KLHL32: variants seen among roughly 807,000 people sequenced by gnomAD.
The protein encoded by KLHL32 is kelch like family member 32, also known as kelch-like protein 32.
KLHL32 carries 35 observed loss-of-function variants against 64.8 expected under a neutral mutation model. The ratio of observed to expected loss-of-function variants is 0.54; its 90% CI spans 0.41 to 0.72. The LOEUF is 0.72. Ranked by LOEUF, KLHL32 falls within the 30% of genes least tolerant of loss-of-function variation. KLHL32 has a pLI of 0.00. For synonymous variants in KLHL32, 259 were observed against 281.0 expected, an observed-to-expected ratio of 0.92 and a Z score of 0.78; for missense variants, 589 against 768.5, an observed-to-expected ratio of 0.77 and a Z score of 2.76.
intron 3 of KLHL32, among the ~76,000 whole-genome samples, chr6:97,037,834 A>G (rs937634710): frequency 6.6e-6 from 1 of 152,324 alleles, no homozygotes; most frequent in Middle Eastern, 3.4e-3. Flanking sequence ...ACATAGATCA[A>G]TGGAATAGAA....
chr6:96,978,231 T>C (rs1420187772), intron 3 of KLHL32, among the ~76,000 whole-genome samples: 1 of 152,178 alleles, frequency 6.6e-6, no homozygotes, highest in East Asian at 1.9e-4. Context: ...GTACAGATTA[T>C]TTCATCACCC....
intron 6 of KLHL32, among the ~76,000 whole-genome samples, chr6:97,098,909 T>A (rs1795335892): frequency 6.6e-6 from 1 of 152,330 alleles, no homozygotes; most frequent in African/African-American, 2.4e-5. Context: ...GTCAAGTCAA[T>A]CAATAGTTTT....
At chr6:96,925,486 G>C (rs1203489514) in intron 1 of KLHL32, among the ~76,000 whole-genome samples, 1 of 152,206 alleles carries the variant, frequency 6.6e-6, no homozygotes, top group Admixed American at 6.5e-5. Context: ...GGATTCGTCA[G>C]ATGAATTTTT....
rs187655438 is a variant in KLHL32, at chr6:96,987,169, T to C, written c.204+10992T>C. 2.5e-4 allele frequency among the ~76,000 whole-genome samples: 38 copies of C among 152,350 alleles called. 1 individual carries two copies. In the East Asian group the frequency reaches 7.3e-3, roughly 29 times the overall value. On this transcript the variant is annotated intron_variant, in intron 3 of 10. Transcript: ENST00000369261. The stretch of plus-strand genomic sequence containing the variant: ...TCTTTTCAAAAAACCAGCTCCTGGA[T>C]TCATTGATTTTTTGAAGGGTTTTTT...
chr6:96,971,992 C>T (rs1388250468), intron 2 of KLHL32, among the ~76,000 whole-genome samples: 1 of 151,988 alleles, frequency 6.6e-6, no homozygotes, highest in Non-Finnish European at 1.5e-5. Context: ...AGCTGGGATA[C>T]AGGCATGCGC....
the KLHL32 span, among the ~76,000 whole-genome samples, chr6:96,911,717 A>AT: frequency 6.7e-6 from 1 of 148,232 alleles, no homozygotes; most frequent in Non-Finnish European, 1.5e-5. Flanking sequence ...TCCAATAAAC[A>AT]TTTTTTTTGG....
At chr6:97,077,734 G>A (rs1342617091) in intron 5 of KLHL32, among the ~76,000 whole-genome samples, 2 of 152,100 alleles carry the variant, frequency 1.3e-5, no homozygotes, top group Non-Finnish European at 2.9e-5. Context: ...CTATAACCAA[G>A]CTATTATTTC....
Position 97,114,389 on chromosome 6 carries a change from G to C in KLHL32, c.1234G>C (p.Val412Leu). The C allele has an allele frequency of 6.2e-7, 1 of 1,614,204 alleles. No homozygotes were observed. The highest frequency in any genetic ancestry group is 8.5e-7 in the Non-Finnish European group (1 of 1,180,048). ...TGGGGGCAGAAATGAACTGCGCCAG[G>C]TTCTGCCTACAGTTGAGCGATATTG... ...AVGGRNELRQVLPTVERYCPK... is the reference protein window; with the variant it reads ...AVGGRNELRQLLPTVERYCPK... The change falls in exon 7 of 11, where the codon GTT becomes CTT. Residue 412 changes from valine (V) to leucine (L), a missense_variant. Coordinates refer to ENST00000369261, the MANE Select transcript of KLHL32 (RefSeq NM_052904.4).
chr6:97,051,387 A>G lies in KLHL32; in HGVS notation c.312+9788A>G, dbSNP rs562948570. 2.9e-4 allele frequency among the ~76,000 whole-genome samples: 44 copies of G among 152,300 alleles called. No homozygotes were observed. In the South Asian group the frequency reaches 5.2e-3, roughly 18 times the overall value. ...TGCTCTTGATAATGGTTTTATTGTC[A>G]TAGGTGGGGCAATAAACAGTCTTTC... On this transcript the variant is annotated intron_variant, in intron 4 of 10. Transcript: ENST00000369261.
intron 5 of KLHL32, among the ~76,000 whole-genome samples, chr6:97,077,597 G>A (rs1366278182): frequency 1.3e-5 from 2 of 152,122 alleles, no homozygotes; most frequent in African/African-American, 2.4e-5. Context: ...TTTCCCAATT[G>A]TATGAAAAAC....
At chr6:97,113,669 A>C (rs1797471371) in intron 6 of KLHL32, 114 bp from the exon 7 acceptor site, 1 of 1,330,130 alleles carries the variant, frequency 7.5e-7, no homozygotes, top group East Asian at 2.3e-5. Context: ...TGTTTGTAAG[A>C]AAGTTTGTAT....
chr6:97,053,403 C>T (rs1322977302), intron 4 of KLHL32, among the ~76,000 whole-genome samples: 1 of 152,152 alleles, frequency 6.6e-6, no homozygotes, highest in Non-Finnish European at 1.5e-5. Flanking sequence ...TCATTCCACA[C>T]ATTTCCCAAA....
chr6:97,056,647 A>G (rs1787992711), intron 4 of KLHL32, among the ~76,000 whole-genome samples: 1 of 152,170 alleles, frequency 6.6e-6, no homozygotes, highest in African/African-American at 2.4e-5. Flanking sequence ...ATCTTATGCT[A>G]TTGACTCCCA....
rs150879118 is a variant in KLHL32 at position 97,111,961 on chromosome 6, G to T, written c.628-1822G>T. Among the ~76,000 whole-genome samples, 577 of 152,002 alleles carry T rather than the reference G, an allele frequency of 3.8e-3. 2 individuals are homozygous for T. Among genetic ancestry groups the T allele is most frequent in the African/African-American group, 0.013 (529 of 41,438 alleles). Reference sequence around the variant, plus strand: ...CTATAGTCTCTGACATTTAGCTGCTGCTTCTCCTCTTGATGTTCAGTCACT... The same window carrying T: ...CTATAGTCTCTGACATTTAGCTGCTTCTTCTCCTCTTGATGTTCAGTCACT... On this transcript the variant is annotated intron_variant, in intron 6 of 10. Coordinates refer to ENST00000369261, the MANE Select transcript of KLHL32 (RefSeq NM_052904.4).
intron 5 of KLHL32, among the ~76,000 whole-genome samples, chr6:97,080,695 C>A (rs1234672696): frequency 6.6e-6 from 1 of 152,182 alleles, no homozygotes. Context: ...GTTCTAGGCT[C>A]TGGGGATACA....
At chr6:97,082,481 C>T (rs765804534) in intron 5 of KLHL32, among the ~76,000 whole-genome samples, 172 of 152,028 alleles carry the variant, frequency 1.1e-3, no homozygotes, top group Non-Finnish European at 1.7e-3. Flanking sequence ...GGCATGGTGG[C>T]GGGCGCCTGT....
At chr6:96,914,397 G>A in the KLHL32 span, among the ~76,000 whole-genome samples, 2 of 151,818 alleles carry the variant, frequency 1.3e-5, no homozygotes, top group African/African-American at 2.4e-5. Context: ...CCAAATTATC[G>A]GCTCTTCAGC....
At chr6:96,933,675 C>CT (rs1770216099) in intron 1 of KLHL32, among the ~76,000 whole-genome samples, 1 of 152,170 alleles carries the variant, frequency 6.6e-6, no homozygotes, top group African/African-American at 2.4e-5. Context: ...TAGCACCCAC[C>CT]AGTATCTCAG....
intron 3 of KLHL32, among the ~76,000 whole-genome samples, chr6:97,000,273 T>C (rs1237341883): frequency 6.6e-6 from 1 of 152,168 alleles, no homozygotes; most frequent in Non-Finnish European, 1.5e-5. Context: ...TTGATGCTAC[T>C]CAAAGTGTGG....
Sources: allele counts gnomAD v4.1 joint callset (sites outside exome capture counted in the v4.1 genomes callset), GRCh38; gene constraint gnomAD v4.1.1; transcripts MANE v1.5; gene names NCBI Gene and HGNC (gene_info 2026-07-23, HGNC 2026-07-21).